Variants in SRPK1 observed in about 807,000 individuals in gnomAD.
The protein encoded by SRPK1 is SRSF protein kinase 1.
SRPK1 carries 52 observed loss-of-function variants against 89.5 expected under a neutral mutation model. That is an observed-to-expected ratio of 0.58 (90% CI 0.46 to 0.73). SRPK1 has a LOEUF of 0.73. Among genes scored for constraint, SRPK1 ranks in the 30% least tolerant of loss-of-function variants. SRPK1 has a pLI of 0.00. For synonymous variants in SRPK1, 255 were observed against 270.2 expected (o/e 0.94, Z 0.55); for missense variants, 603 against 780.6 (o/e 0.77, Z 2.71).
chr6:35,876,085 T>TAAAAA lies in SRPK1; in HGVS notation c.479-1751_479-1747dup, dbSNP rs34493292. 3.1e-3 allele frequency among the ~76,000 whole-genome samples: 239 copies of TAAAAA among 77,546 alleles called. 1 individual carries two copies. Among genetic ancestry groups the TAAAAA allele is most frequent in the African/African-American group, 9.9e-3 (192 of 19,384 alleles). 50.9% of individuals were successfully genotyped at this position (77,546 alleles called of 152,430 possible). A position where few individuals can be genotyped will look rare whatever the true frequency, so the allele number is the denominator to read the frequency against. On this transcript the variant is annotated intron_variant, in intron 6 of 15. Coordinates refer to ENST00000373825, the MANE Select transcript of SRPK1 (RefSeq NM_003137.5). Reference sequence around the variant, plus strand: ...AAACAACTAGCCTGGATTCTTAAATTAAAAAAAAAAAAAAAAAAAAAAGGC... The same window carrying TAAAAA: ...AAACAACTAGCCTGGATTCTTAAATTAAAAAAAAAAAAAAAAAAAAAAAAAAAGGC...
intron 2 of SRPK1, among the ~76,000 whole-genome samples, chr6:35,898,420 A>G (rs1452745307): frequency 1.3e-5 from 2 of 152,232 alleles, no homozygotes; most frequent in East Asian, 1.9e-4. Context: ...GATATTGCGT[A>G]AAGTGTACAC....
At chr6:35,895,184 T>C (rs1349414871) in intron 2 of SRPK1, among the ~76,000 whole-genome samples, 1 of 152,112 alleles carries the variant, frequency 6.6e-6, no homozygotes, top group South Asian at 2.1e-4. Context: ...GTTATGTAAT[T>C]ATAGCACAAG....
chr6:35,895,194 GAC>G (rs1770605288), intron 2 of SRPK1, among the ~76,000 whole-genome samples: 2 of 152,058 alleles, frequency 1.3e-5, no homozygotes, highest in South Asian at 4.1e-4. Flanking sequence ...TATAGCACAA[GAC>G]ACAGTCAAAA....
chr6:35,849,464 T>C (rs1769508554), intron 13 of SRPK1, among the ~76,000 whole-genome samples: 1 of 152,250 alleles, frequency 6.6e-6, no homozygotes, highest in South Asian at 2.1e-4. Flanking sequence ...AGTTACCATA[T>C]GATCCAGCAA....
At chr6:35,899,214 A>G (rs1311618380) in intron 2 of SRPK1, among the ~76,000 whole-genome samples, 3 of 152,150 alleles carry the variant, frequency 2.0e-5, no homozygotes, top group Non-Finnish European at 4.4e-5. Context: ...GGCAACCACT[A>G]TACTCCAAAC....
At chr6:35,873,249 T>C (rs1450195809) in intron 7 of SRPK1, among the ~76,000 whole-genome samples, 1 of 152,188 alleles carries the variant, frequency 6.6e-6, no homozygotes, top group Non-Finnish European at 1.5e-5. Flanking sequence ...TGCCTATGAA[T>C]CATGCTGTAT....
chr6:35,908,030 G>A (rs1255500062), intron 2 of SRPK1, among the ~76,000 whole-genome samples: 7 of 152,180 alleles, frequency 4.6e-5, no homozygotes, highest in Non-Finnish European at 7.3e-5. Flanking sequence ...ATGATTGTAA[G>A]TTTCCTGAGC....
In SRPK1 at chr6:35,853,887, GTT is replaced by G. The variant is rs140386198; in HGVS notation, c.1620+3372_1620+3373del. On this transcript the variant is annotated intron_variant, in intron 13 of 15. Transcript: ENST00000373825. The stretch of plus-strand genomic sequence containing the variant: ...GTCCTGACTCCAGCATTCGGAGATT[GTT>G]TTTTTTTTTTTTGAGACAGAGTCTC... Among the ~76,000 whole-genome samples, 196 of 143,320 alleles carry G rather than the reference GTT, an allele frequency of 1.4e-3. 4 individuals are homozygous for G. In the East Asian group the frequency reaches 0.025, roughly 19 times the overall value. The allele number at this position is 143,320 out of a possible 152,430, so 94.0% of individuals were successfully genotyped here.
At chr6:35,906,306 C>T (rs1490224324) in intron 2 of SRPK1, among the ~76,000 whole-genome samples, 1 of 152,140 alleles carries the variant, frequency 6.6e-6, no homozygotes, top group Non-Finnish European at 1.5e-5. Context: ...CTTACTGCAA[C>T]CTCCACCTCC....
chr6:35,907,597 T>C (rs1770875277), intron 2 of SRPK1, among the ~76,000 whole-genome samples: 1 of 151,598 alleles, frequency 6.6e-6, no homozygotes, highest in Non-Finnish European at 1.5e-5. Flanking sequence ...CCCAGCTACT[T>C]GGGAGGCTGA....
intron 2 of SRPK1, among the ~76,000 whole-genome samples, chr6:35,915,997 T>TAC (rs57574093): frequency 0.016 from 1,395 of 89,482 alleles, 20 homozygotes; most frequent in Non-Finnish European, 0.02. Context: ...AAAAAATATA[T>TAC]ACACACACAC....
At chr6:35,892,319 C>T (rs1770533487) in intron 2 of SRPK1, among the ~76,000 whole-genome samples, 1 of 152,148 alleles carries the variant, frequency 6.6e-6, no homozygotes, top group South Asian at 2.1e-4. Context: ...TACACTCAGG[C>T]TCTGACACTT....
intron 12 of SRPK1, among the ~76,000 whole-genome samples, chr6:35,858,512 A>G (rs1369547321): frequency 6.6e-6 from 1 of 152,242 alleles, no homozygotes; most frequent in African/African-American, 2.4e-5. Context: ...AAGAATCAGA[A>G]TGGCATCGGT....
chr6:35,861,884 G>A lies in SRPK1; in HGVS notation c.1513-4516C>T, dbSNP rs181913126. ...CTACCCTCTCAGTCACAGGCCAACA[G>A]CTGGCACCATTTTGAGAGTTTAAAG... On this transcript the variant is annotated intron_variant, in intron 12 of 15. Coordinates refer to ENST00000373825, the MANE Select transcript of SRPK1 (RefSeq NM_003137.5). Among the ~76,000 whole-genome samples the A allele has an allele frequency of 4.6e-5, 7 of 152,304 alleles. No individual in the cohort carries two copies. In the East Asian group the frequency reaches 1.4e-3, roughly 29 times the overall value.
chr6:35,901,029 A>G (rs894504634), intron 2 of SRPK1, among the ~76,000 whole-genome samples: 1 of 152,166 alleles, frequency 6.6e-6, no homozygotes, highest in Non-Finnish European at 1.5e-5. Context: ...AGAAAGAAGG[A>G]GAGACTAAAA....
At chr6:35,875,897 T>C (rs1010563213) in intron 6 of SRPK1, among the ~76,000 whole-genome samples, 1 of 152,112 alleles carries the variant, frequency 6.6e-6, no homozygotes, top group Non-Finnish European at 1.5e-5. Context: ...CTACCACCAA[T>C]GATAAGCACA....
chr6:35,888,036 C>T lies in SRPK1; in HGVS notation c.378G>A (p.Arg126=). Residue 126 remains arginine (R), a synonymous_variant, in exon 5 of 16, where the codon CGG becomes CGA. Coordinates refer to ENST00000373825, the MANE Select transcript of SRPK1 (RefSeq NM_003137.5). ...HYTETALDEI[R]LLKSVRNSDP... is the part of the protein sequence containing the mutation. ...ATCTAATACTCACTGACTTCAGCAA[C>T]CGGATTTCATCTAGTGCTGTTTCAG... 1 of 1,600,700 alleles carries T rather than the reference C, an allele frequency of 6.2e-7. No individual in the cohort carries two copies. The highest frequency in any genetic ancestry group is 8.5e-7 in the Non-Finnish European group (1 of 1,175,888).
At chr6:35,861,934 C>T (rs1034494324) in intron 12 of SRPK1, among the ~76,000 whole-genome samples, 1 of 152,110 alleles carries the variant, frequency 6.6e-6, no homozygotes, top group Non-Finnish European at 1.5e-5. Flanking sequence ...TGCCCTTGGG[C>T]GACACGGCTG....
At chr6:35,900,745 G>A (rs148837163) in intron 2 of SRPK1, among the ~76,000 whole-genome samples, 1 of 152,318 alleles carries the variant, frequency 6.6e-6, no homozygotes, top group Non-Finnish European at 1.5e-5. Context: ...AGCGATGCTG[G>A]GAGTTTATCT....
Sources: allele counts gnomAD v4.1 joint callset (sites outside exome capture counted in the v4.1 genomes callset), GRCh38; gene constraint gnomAD v4.1.1; transcripts MANE v1.5; gene names NCBI Gene and HGNC (gene_info 2026-07-23, HGNC 2026-07-21).